The following ENOX1 variants were observed in gnomAD, a reference collection of about 807,000 sequenced individuals.
ENOX1 encodes candidate growth-related and time keeping constitutive hydroquinone (NADH) oxidase.
A neutral mutation model predicts 82.5 loss-of-function variants in ENOX1; 42 were observed. The observed-to-expected ratio is 0.51, with a 90% CI of 0.40 to 0.66. The LOEUF is 0.66. Among genes scored for constraint, ENOX1 ranks in the 30% least tolerant of loss-of-function variants. The pLI, the probability that ENOX1 is intolerant of heterozygous loss-of-function variation, is 0.00. For missense variants in ENOX1, 608 were observed against 811.6 expected, an observed-to-expected ratio of 0.75 and a Z score of 3.05; for synonymous variants, 271 against 282.2, an observed-to-expected ratio of 0.96 and a Z score of 0.40.
At chr13:43,444,840 G>A (rs917620442) in intron 3 of ENOX1, among the ~76,000 whole-genome samples, 2 of 152,176 alleles carry the variant, frequency 1.3e-5, no homozygotes, top group Non-Finnish European at 2.9e-5. Context: ...CTGTATAAAA[G>A]AAGATGGTTT....
chr13:43,472,438 T>G (rs1209635682), intron 3 of ENOX1, among the ~76,000 whole-genome samples: 1 of 152,176 alleles, frequency 6.6e-6, no homozygotes, highest in African/African-American at 2.4e-5. Context: ...AAATATTATA[T>G]TTAAAAAACC....
At chr13:43,409,296 C>A (rs2053979625) in intron 5 of ENOX1, among the ~76,000 whole-genome samples, 1 of 152,080 alleles carries the variant, frequency 6.6e-6, no homozygotes, top group Non-Finnish European at 1.5e-5. Flanking sequence ...ATGCTCATTT[C>A]TTTTGATGTA....
At chr13:43,218,772 C>T (rs2041626247) in intron 16 of ENOX1, among the ~76,000 whole-genome samples, 1 of 152,158 alleles carries the variant, frequency 6.6e-6, no homozygotes, top group African/African-American at 2.4e-5. Flanking sequence ...CCTACCCTGA[C>T]AAAATAACCT....
intron 2 of ENOX1, among the ~76,000 whole-genome samples, chr13:43,645,629 TTG>T (rs2083863177): frequency 6.6e-6 from 1 of 152,192 alleles, no homozygotes; most frequent in African/African-American, 2.4e-5. Flanking sequence ...CACCAATTCA[TTG>T]GAAGTTCTGA....
chr13:43,551,839 G>A (rs1212623743), intron 2 of ENOX1, among the ~76,000 whole-genome samples: 1 of 152,148 alleles, frequency 6.6e-6, no homozygotes, highest in African/African-American at 2.4e-5. Context: ...AGGTTATTTT[G>A]ACTTAAAGGG....
At chr13:43,429,821 C>T (rs1390398439) in intron 3 of ENOX1, among the ~76,000 whole-genome samples, 1 of 152,042 alleles carries the variant, frequency 6.6e-6, no homozygotes, top group Non-Finnish European at 1.5e-5. Context: ...AAGCTCCTTG[C>T]TAAGCTAAAT....
At chr13:43,418,387 G>T (rs1174719557) in intron 3 of ENOX1, among the ~76,000 whole-genome samples, 1 of 152,060 alleles carries the variant, frequency 6.6e-6, no homozygotes, top group Non-Finnish European at 1.5e-5. Context: ...AATTAGCTGG[G>T]TGTGGTGGTG....
chr13:43,757,972 C>T (rs1391367077), intron 1 of ENOX1, among the ~76,000 whole-genome samples: 3 of 152,086 alleles, frequency 2.0e-5, no homozygotes, highest in Admixed American at 6.6e-5. Flanking sequence ...CGGTGGGTCA[C>T]GCCTGTAATC....
rs1229223594 is a variant in ENOX1 at position 43,361,472 on chromosome 13, ACATTTTGACTGGAGATTAAATC to A, written c.209-42_209-21del. 1.9e-6 allele frequency: 3 copies of A among 1,580,604 alleles called. No individual in the cohort carries two copies. The highest frequency in any genetic ancestry group is 2.6e-6 in the Non-Finnish European group (3 of 1,170,600). ...TTGAGTCTGTAAAGTATACAAGATAACATTTTGACTGGAGATTAAATCCATTTTTGTTGTTGTTTTTGCCATT... is the reference window on the plus strand; with the variant it reads ...TTGAGTCTGTAAAGTATACAAGATAACATTTTTGTTGTTGTTTTTGCCATT... On this transcript the variant is annotated intron_variant, in intron 5 of 16. Coordinates refer to ENST00000690772, the MANE Select transcript of ENOX1 (RefSeq NM_001347969.2).
At position 43,218,017 on chromosome 13, in the gene ENOX1, C is replaced by G. The variant is rs1593388892; in HGVS notation, c.1801-3896G>C. Among the ~76,000 whole-genome samples the G allele has an allele frequency of 2.0e-5, 3 of 152,126 alleles. No individual in the cohort carries two copies. In the South Asian group the frequency reaches 6.2e-4, roughly 32 times the overall value. The stretch of plus-strand genomic sequence containing the variant: ...CTAAGTCATTTAATATCAAGGATAA[C>G]CCCCCAAAAACCACTTTACAGATGG... On this transcript the variant is annotated intron_variant, in intron 16 of 16. Coordinates refer to ENST00000690772, the MANE Select transcript of ENOX1 (RefSeq NM_001347969.2).
At chr13:43,340,321 C>T (rs979052501) in intron 9 of ENOX1, among the ~76,000 whole-genome samples, 2 of 152,222 alleles carry the variant, frequency 1.3e-5, no homozygotes, top group South Asian at 2.1e-4. Context: ...CCCCCATCTT[C>T]GAGTCATCCT....
At chr13:43,545,261 AC>A (rs2078924881) in intron 2 of ENOX1, 1 of 152,144 alleles carries the variant, frequency 6.6e-6, no homozygotes, top group Admixed American at 6.5e-5. Context: ...TCTCTAAAGG[AC>A]CCCGAGGTGT....
At chr13:43,693,554 A>T (rs2086478175) in intron 1 of ENOX1, among the ~76,000 whole-genome samples, 1 of 152,184 alleles carries the variant, frequency 6.6e-6, no homozygotes, top group South Asian at 2.1e-4. Context: ...GTGGCCGTGA[A>T]ACAAGAATGA....
chr13:43,329,411 C>T (rs1019497145), intron 9 of ENOX1, among the ~76,000 whole-genome samples: 4 of 152,066 alleles, frequency 2.6e-5, no homozygotes, highest in South Asian at 2.1e-4. Context: ...CGAGGTACCA[C>T]GATGACTGGA....
chr13:43,284,355 T>C (rs551608311), intron 12 of ENOX1, among the ~76,000 whole-genome samples: 8 of 151,680 alleles, frequency 5.3e-5, no homozygotes, highest in Admixed American at 5.3e-4. Flanking sequence ...TTTAAATGAC[T>C]GAAAAATGTG....
chr13:43,369,035 T>G (rs1474065358), intron 5 of ENOX1, among the ~76,000 whole-genome samples: 1 of 151,976 alleles, frequency 6.6e-6, no homozygotes, highest in African/African-American at 2.4e-5. Context: ...CCCATTCTTT[T>G]TTTTTTAACA....
intron 1 of ENOX1, among the ~76,000 whole-genome samples, chr13:43,676,926 C>A (rs368279979): frequency 1.3e-5 from 2 of 151,966 alleles, no homozygotes; most frequent in African/African-American, 4.8e-5. Context: ...CACAAAGATA[C>A]ACAGTAATAT....
intron 2 of ENOX1, among the ~76,000 whole-genome samples, chr13:43,490,153 G>C (rs966588000): frequency 2.6e-5 from 4 of 152,108 alleles, no homozygotes; most frequent in Admixed American, 6.5e-5. Flanking sequence ...TGTTGGCCAG[G>C]CTGGTCTCGA....
intron 13 of ENOX1, among the ~76,000 whole-genome samples, chr13:43,266,907 A>G (rs1027150867): frequency 8.5e-5 from 13 of 152,116 alleles, no homozygotes; most frequent in Admixed American, 6.5e-4. Context: ...TATTTTGTGA[A>G]TGTCTGTTCC....
Sources: gnomAD v4.1 joint callset for allele counts (sites outside exome capture counted in the v4.1 genomes callset) on GRCh38, gnomAD v4.1.1 for gene constraint, MANE v1.5 for transcripts, NCBI Gene and HGNC (gene_info 2026-07-23, HGNC 2026-07-21) for gene names.